CAMTA1: variants seen among roughly 807,000 people sequenced by gnomAD.
CAMTA1 encodes calmodulin binding transcription activator 1.
Under a neutral mutation model 170.9 loss-of-function variants are expected in CAMTA1, and 27 were observed. That is an observed-to-expected ratio of 0.16 (90% CI 0.12 to 0.22). The LOEUF is 0.22. CAMTA1 is among the 10% of genes least tolerant of loss of function. The pLI is 1.00. For synonymous variants in CAMTA1, 833 were observed against 891.5 expected, an observed-to-expected ratio of 0.93 and a Z score of 1.17; for missense variants, 1,619 against 2,217.2, an observed-to-expected ratio of 0.73 and a Z score of 5.42.
In CAMTA1 at chr1:7,245,436, A is replaced by G. The variant is rs532226295; in HGVS notation, c.303-4055A>G. ...AACAGATCTTATAGAAGATGTATCTATAAGCCAATAGCTTATAGATATTAT... is the reference window on the plus strand; with the variant it reads ...AACAGATCTTATAGAAGATGTATCTGTAAGCCAATAGCTTATAGATATTAT... On this transcript the variant is annotated intron_variant, in intron 4 of 22. Coordinates refer to ENST00000303635, the MANE Select transcript of CAMTA1 (RefSeq NM_015215.4). 2.6e-5 allele frequency among the ~76,000 whole-genome samples: 4 copies of G among 151,970 alleles called. No homozygotes were observed. The South Asian group carries it at 8.3e-4, about 31-fold the overall frequency.
Position 7,091,301 on chromosome 1 carries a change from C to T in CAMTA1, c.235-3C>T. The stretch of plus-strand genomic sequence containing the variant: ...TTATTATCTTTTTATTCTTCTGTTT[C>T]AGGAAATTGCAGCTTATTTAATAAC... On this transcript the variant is annotated splice_polypyrimidine_tract_variant and splice_region_variant and intron_variant, in intron 3 of 22. Coordinates refer to ENST00000303635, the MANE Select transcript of CAMTA1 (RefSeq NM_015215.4). 3.7e-6 allele frequency: 6 copies of T among 1,600,666 alleles called. No homozygotes were observed. Among genetic ancestry groups the T allele is most frequent in the Non-Finnish European group, 5.1e-6 (6 of 1,167,740 alleles).
chr1:7,073,335 T>C (rs914718795), intron 3 of CAMTA1, among the ~76,000 whole-genome samples: 10 of 152,094 alleles, frequency 6.6e-5, no homozygotes, highest in Non-Finnish European at 1.5e-4. Flanking sequence ...ATGGAATTGT[T>C]TAATAGGCAG....
chr1:6,997,179 G>A (rs1217383373), intron 3 of CAMTA1, among the ~76,000 whole-genome samples: 1 of 152,182 alleles, frequency 6.6e-6, no homozygotes, highest in African/African-American at 2.4e-5. Context: ...TACTCAAAAA[G>A]GATGTGCATT....
At chr1:7,204,830 C>CTTTTTTTTTTTTTTTTTTTTTTTT (rs367812076) in intron 4 of CAMTA1, among the ~76,000 whole-genome samples, 4 of 86,828 alleles carry the variant, frequency 4.6e-5, no homozygotes, top group Admixed American at 1.4e-4. Flanking sequence ...TTCTTTTTTT[C>CTTTTTTTTTTTTTTTTTTTTTTTT]TTTTTTTTTT....
At chr1:7,203,775 C>T (rs1352035768) in intron 4 of CAMTA1, among the ~76,000 whole-genome samples, 4 of 150,230 alleles carry the variant, frequency 2.7e-5, no homozygotes, top group South Asian at 2.1e-4. Context: ...AAAGATTTGC[C>T]GATTTTGACA....
intron 4 of CAMTA1, among the ~76,000 whole-genome samples, chr1:7,147,095 A>T (rs1353759904): frequency 6.6e-6 from 1 of 151,756 alleles, no homozygotes; most frequent in East Asian, 1.9e-4. Context: ...ACACTCATGT[A>T]CAGCATGCAC....
chr1:7,259,605 A>G (rs1268972462), intron 5 of CAMTA1, among the ~76,000 whole-genome samples: 1 of 152,130 alleles, frequency 6.6e-6, no homozygotes, highest in Non-Finnish European at 1.5e-5. Flanking sequence ...TTATTTATTT[A>G]TTTTACCTTG....
At chr1:7,273,040 C>T (rs1670079681) in intron 5 of CAMTA1, among the ~76,000 whole-genome samples, 1 of 151,944 alleles carries the variant, frequency 6.6e-6, no homozygotes, top group Admixed American at 6.6e-5. Context: ...AAGTGAAAAC[C>T]ACAACAAGAT....
At chr1:6,925,483 T>A (rs1473650231) in intron 3 of CAMTA1, among the ~76,000 whole-genome samples, 1 of 152,240 alleles carries the variant, frequency 6.6e-6, no homozygotes, top group East Asian at 1.9e-4. Context: ...AAATTGCCTC[T>A]TGAGGTAACC....
chr1:7,588,916 G>A lies in CAMTA1; in HGVS notation c.511-51484G>A, dbSNP rs965320531. On this transcript the variant is annotated intron_variant, in intron 6 of 22. Coordinates refer to ENST00000303635, the MANE Select transcript of CAMTA1 (RefSeq NM_015215.4). This position sits in a 1 kb window ranked among gnomAD's most constrained non-coding sequence, Gnocchi z 5.8. ...TCAGGTGCTTATTATTTTCTGCCAC[G>A]ATCAGGGAAGACTGATCGTGCTTGG... Among the ~76,000 whole-genome samples the A allele has an allele frequency of 7.2e-5, 11 of 152,162 alleles. No individual in the cohort carries two copies. The highest frequency in any genetic ancestry group is 1.5e-4 in the Non-Finnish European group (10 of 68,026).
At chr1:7,071,600 T>C (rs1367877333) in intron 3 of CAMTA1, among the ~76,000 whole-genome samples, 2 of 152,212 alleles carry the variant, frequency 1.3e-5, no homozygotes, top group African/African-American at 2.4e-5. Flanking sequence ...AACCAACAGA[T>C]TAGAAAGACT....
intron 5 of CAMTA1, among the ~76,000 whole-genome samples, chr1:7,313,839 T>C (rs1557497507): frequency 6.6e-6 from 1 of 152,090 alleles, no homozygotes; most frequent in Non-Finnish European, 1.5e-5. Context: ...AAGGCAGGTT[T>C]GGAAGGTGGG....
intron 7 of CAMTA1, among the ~76,000 whole-genome samples, chr1:7,651,041 C>T (rs939629494): frequency 3.9e-5 from 6 of 152,294 alleles, no homozygotes; most frequent in East Asian, 3.9e-4. Context: ...CTCTCCCGTC[C>T]GCCTCCGGCA....
In CAMTA1 at chr1:7,446,902, C is replaced by T. The variant is rs371163346; in HGVS notation, c.439-20928C>T. On this transcript the variant is annotated intron_variant, in intron 5 of 22. Transcript: ENST00000303635. ...CTGGTCTCCCAAAGTGGAGTATAAA[C>T]AGCTTTCAGTGGGCAGGACATGTGG... 3.3e-5 allele frequency among the ~76,000 whole-genome samples: 5 copies of T among 152,318 alleles called. No individual in the cohort carries two copies. In the East Asian group the frequency reaches 9.7e-4, roughly 29 times the overall value.
intron 3 of CAMTA1, among the ~76,000 whole-genome samples, chr1:6,984,546 G>A (rs1012176755): frequency 1.3e-5 from 2 of 152,066 alleles, no homozygotes; most frequent in Non-Finnish European, 2.9e-5. Context: ...CCTGGGAGGC[G>A]GAGGTTGCAG....
chr1:7,765,222 A>G (rs1046081730), intron 22 of CAMTA1, among the ~76,000 whole-genome samples: 2 of 152,198 alleles, frequency 1.3e-5, no homozygotes. Flanking sequence ...GACTTACACC[A>G]CATGCATTGC....
intron 6 of CAMTA1, among the ~76,000 whole-genome samples, chr1:7,545,339 A>G (rs1465749060): frequency 1.3e-5 from 2 of 152,224 alleles, no homozygotes; most frequent in African/African-American, 2.4e-5. Flanking sequence ...ACAAAACCAC[A>G]TCAGAACTCT....
intron 5 of CAMTA1, among the ~76,000 whole-genome samples, chr1:7,414,647 C>T (rs2091031805): frequency 6.6e-6 from 1 of 151,988 alleles, no homozygotes; most frequent in Non-Finnish European, 1.5e-5. Flanking sequence ...ATTCTTCTCT[C>T]TTTTCTTCTT....
intron 5 of CAMTA1, among the ~76,000 whole-genome samples, chr1:7,390,682 C>T (rs2088595981): frequency 6.6e-6 from 1 of 152,234 alleles, no homozygotes. Flanking sequence ...AAGAAAGCCT[C>T]ATGGGTGTAA....
Sources: allele counts gnomAD v4.1 joint callset (sites outside exome capture counted in the v4.1 genomes callset), GRCh38; gene constraint gnomAD v4.1.1; non-coding constraint Gnocchi (gnomAD v3.1); transcripts MANE v1.5; gene names NCBI Gene and HGNC (gene_info 2026-07-23, HGNC 2026-07-21).